Variants in TMEM117 observed in about 807,000 individuals in gnomAD.
TMEM117 encodes the protein transmembrane protein 117.
In TMEM117, 27 loss-of-function variants were observed where a neutral mutation model predicts 52.4. That is an observed-to-expected ratio of 0.51 (90% CI 0.38 to 0.71). The LOEUF is 0.71. Ranked by LOEUF, TMEM117 falls within the 30% of genes least tolerant of loss-of-function variation. The probability of loss-of-function intolerance (pLI) is 0.00; values close to 1 mark genes in which losing one functional copy is unlikely to be tolerated. For missense variants in TMEM117, 556 were observed against 630.5 expected, an observed-to-expected ratio of 0.88 and a Z score of 1.26; for synonymous variants, 215 against 206.3, an observed-to-expected ratio of 1.04 and a Z score of -0.36.
the TMEM117 span, among the ~76,000 whole-genome samples, chr12:43,814,738 C>CT: frequency 0.077 from 8,262 of 107,576 alleles, 359 homozygotes; most frequent in Non-Finnish European, 0.097. Flanking sequence ...GGGTTTGAAT[C>CT]TTTTTTTTTT....
chr12:44,120,373 T>G (rs1948213738), intron 3 of TMEM117, among the ~76,000 whole-genome samples: 2 of 152,290 alleles, frequency 1.3e-5, no homozygotes, highest in Admixed American at 6.5e-5. Flanking sequence ...CATTATATAC[T>G]CATAGCTTGA....
the TMEM117 span, among the ~76,000 whole-genome samples, chr12:43,803,532 G>C: frequency 3.5e-4 from 54 of 152,166 alleles, 1 homozygote; most frequent in South Asian, 0.011. Context: ...AAACAAAAAA[G>C]TAAAACCAGA....
At chr12:43,805,846 G>C in the TMEM117 span, 1 of 1,406,090 alleles carries the variant, frequency 7.1e-7, no homozygotes, top group Non-Finnish European at 9.5e-7. Flanking sequence ...TCTCGACAGC[G>C]TACTGAAGCC....
At chr12:43,848,786 T>A (rs983843835) in intron 2 of TMEM117, among the ~76,000 whole-genome samples, 12 of 152,228 alleles carry the variant, frequency 7.9e-5, no homozygotes, top group African/African-American at 2.4e-4. Flanking sequence ...ATTTGAGAAC[T>A]GATAAATGTC....
intron 3 of TMEM117, among the ~76,000 whole-genome samples, chr12:43,974,508 A>G (rs149530890): frequency 5.9e-5 from 9 of 152,250 alleles, no homozygotes; most frequent in African/African-American, 1.9e-4. Context: ...CACATGTTTT[A>G]AGAAAGTGCT....
At chr12:44,049,048 G>A (rs1306642906) in intron 3 of TMEM117, among the ~76,000 whole-genome samples, 1 of 151,706 alleles carries the variant, frequency 6.6e-6, no homozygotes, top group African/African-American at 2.4e-5. Context: ...CTGGGTTACA[G>A]CAATTCCATT....
intron 5 of TMEM117, among the ~76,000 whole-genome samples, chr12:44,224,167 C>T (rs1264041206): frequency 1.3e-5 from 2 of 152,066 alleles, no homozygotes; most frequent in Admixed American, 6.6e-5. Context: ...CATGCACAAC[C>T]TCATATATGC....
intron 3 of TMEM117, among the ~76,000 whole-genome samples, chr12:44,008,019 C>T (rs1318104445): frequency 6.6e-6 from 1 of 152,142 alleles, no homozygotes; most frequent in Admixed American, 6.5e-5. Flanking sequence ...AAATACAGGC[C>T]TCCCCTTAGG....
At chr12:44,224,921 G>A (rs944511627) in intron 5 of TMEM117, among the ~76,000 whole-genome samples, 3 of 152,056 alleles carry the variant, frequency 2.0e-5, no homozygotes, top group Non-Finnish European at 4.4e-5. Context: ...TGGAAAGCCT[G>A]GGGTAGAGAG....
At chr12:43,849,645 A>C (rs1488613657) in intron 2 of TMEM117, among the ~76,000 whole-genome samples, 1 of 151,836 alleles carries the variant, frequency 6.6e-6, no homozygotes, top group Non-Finnish European at 1.5e-5. Context: ...TTTTTTACTT[A>C]CAGTAGAAAA....
intron 2 of TMEM117, among the ~76,000 whole-genome samples, chr12:43,898,219 T>C (rs1356083478): frequency 6.6e-6 from 1 of 152,122 alleles, no homozygotes; most frequent in Non-Finnish European, 1.5e-5. Flanking sequence ...TCTTCACTCT[T>C]AATCCTATGA....
intron 1 of TMEM117, among the ~76,000 whole-genome samples, chr12:43,838,605 A>G (rs1943070421): frequency 8.3e-6 from 1 of 120,892 alleles, no homozygotes; most frequent in South Asian, 2.6e-4. Flanking sequence ...CTGTTTATTC[A>G]TTTATTCATC....
chr12:44,236,400 A>G (rs1165935958), intron 5 of TMEM117, among the ~76,000 whole-genome samples: 1 of 151,682 alleles, frequency 6.6e-6, no homozygotes, highest in Non-Finnish European at 1.5e-5. Flanking sequence ...CTTCTCTTAA[A>G]CCTGTTCTTA....
rs186689838 is a variant in TMEM117, at chr12:43,969,961, T to C, written c.410+25619T>C. ...AGTTTTTCTTTGCAGTTTCAGTTACTTGTGGCCAACCATGATCTGAGAATA... is the reference window on the plus strand; with the variant it reads ...AGTTTTTCTTTGCAGTTTCAGTTACCTGTGGCCAACCATGATCTGAGAATA... On this transcript the variant is annotated intron_variant, in intron 3 of 7. Transcript: ENST00000266534. Among the ~76,000 whole-genome samples, 19 of 152,310 alleles carry C rather than the reference T, an allele frequency of 1.2e-4. No individual in the cohort carries two copies. The East Asian group carries it at 3.5e-3, about 28-fold the overall frequency.
At chr12:43,972,552 C>CTGCTGATTGGTCTGTTTTACAGAG (rs1945606975) in intron 3 of TMEM117, among the ~76,000 whole-genome samples, 3 of 152,172 alleles carry the variant, frequency 2.0e-5, no homozygotes, top group Non-Finnish European at 4.4e-5. Context: ...TGCTCACGTC[C>CTGCTGATTGGTCTGTTTTACAGAG]TGCTGATTGG....
chr12:43,949,078 T>C (rs1330228422), intron 3 of TMEM117, among the ~76,000 whole-genome samples: 1 of 152,194 alleles, frequency 6.6e-6, no homozygotes, highest in Admixed American at 6.5e-5. Context: ...ATGTAACTGT[T>C]AGCAGCACTG....
In TMEM117 at chr12:44,382,837, C is replaced by T. The variant is rs532272946; in HGVS notation, c.899-5189C>T. ...TTAATAAGTAAATATTTTCAGTTTACGAAATGGCCTCCTCATGACCCAAGC... is the reference window on the plus strand; with the variant it reads ...TTAATAAGTAAATATTTTCAGTTTATGAAATGGCCTCCTCATGACCCAAGC... On this transcript the variant is annotated intron_variant, in intron 7 of 7. Coordinates refer to ENST00000266534, the MANE Select transcript of TMEM117 (RefSeq NM_032256.3). Among the ~76,000 whole-genome samples the T allele has an allele frequency of 4.6e-5, 7 of 152,170 alleles. No homozygotes were observed. In the East Asian group the frequency reaches 7.7e-4, roughly 17 times the overall value.
At chr12:44,010,261 C>T (rs1306672473) in intron 3 of TMEM117, 1 of 459,286 alleles carries the variant, frequency 2.2e-6, no homozygotes, top group Admixed American at 2.3e-5. Context: ...TTCCTAAGAG[C>T]ACTTCAGTAA....
intron 2 of TMEM117, among the ~76,000 whole-genome samples, chr12:43,886,782 C>T (rs1364047497): frequency 6.6e-6 from 1 of 152,162 alleles, no homozygotes; most frequent in Non-Finnish European, 1.5e-5. Context: ...TTTCTGTCCT[C>T]CCACCCTCCA....
Sources: allele counts gnomAD v4.1 joint callset (sites outside exome capture counted in the v4.1 genomes callset), GRCh38; gene constraint gnomAD v4.1.1; transcripts MANE v1.5; gene names NCBI Gene and HGNC (gene_info 2026-07-23, HGNC 2026-07-21).